TSPAN13: variants seen among roughly 807,000 people sequenced by gnomAD.
The protein encoded by TSPAN13 is tetraspanin-13.
Under a neutral mutation model 26.9 loss-of-function variants are expected in TSPAN13, and 18 were observed. The observed-to-expected ratio is 0.67, with a 90% CI of 0.46 to 0.99. The LOEUF (loss-of-function observed/expected upper bound fraction) is 0.99. TSPAN13 is among the 50% of genes least tolerant of loss of function. The pLI is 0.00. For synonymous variants in TSPAN13, 116 were observed against 98.4 expected (o/e 1.18, Z -1.06); for missense variants, 201 against 249.6 (o/e 0.81, Z 1.31).
chr7:16,766,177 A>C (rs549739253), intron 1 of TSPAN13, among the ~76,000 whole-genome samples: 5 of 152,372 alleles, frequency 3.3e-5, no homozygotes, highest in Admixed American at 2.6e-4. Flanking sequence ...AATGTGTTAG[A>C]AACACCAGTC....
At chr7:16,754,060 T>C (rs775794821) in intron 1 of TSPAN13, 30 bp downstream of exon 1, 18 of 1,608,660 alleles carry the variant, frequency 1.1e-5, no homozygotes, top group Admixed American at 1.7e-5. Flanking sequence ...TCCTGCTCGC[T>C]TGGGGGCTTT....
chr7:16,769,436 A>G (rs1784648483), intron 1 of TSPAN13, among the ~76,000 whole-genome samples: 1 of 152,116 alleles, frequency 6.6e-6, no homozygotes, highest in African/African-American at 2.4e-5. Context: ...CTCTTTGTTT[A>G]TTTTAGGTCT....
intron 1 of TSPAN13, among the ~76,000 whole-genome samples, chr7:16,755,248 C>G (rs1057039944): frequency 6.6e-6 from 1 of 152,182 alleles, no homozygotes; most frequent in Non-Finnish European, 1.5e-5. Flanking sequence ...TGGTCACCAA[C>G]AGGAGAAGGA....
intron 1 of TSPAN13, among the ~76,000 whole-genome samples, chr7:16,772,580 A>G (rs1025053155): frequency 1.3e-5 from 2 of 151,884 alleles, no homozygotes; most frequent in African/African-American, 4.8e-5. Context: ...GTCTCTCTCT[A>G]ATTTCCCTGT....
chr7:16,770,024 C>A (rs1431084406), intron 1 of TSPAN13, among the ~76,000 whole-genome samples: 1 of 152,010 alleles, frequency 6.6e-6, no homozygotes, highest in East Asian at 1.9e-4. Flanking sequence ...ACTTTTCTCT[C>A]CTTTAATGAA....
chr7:16,778,857 G>A (rs929124677), intron 4 of TSPAN13, 146 bp from the exon 5 acceptor site: 2 of 584,384 alleles, frequency 3.4e-6, no homozygotes, highest in Non-Finnish European at 6.0e-6. Context: ...AGTCTTGGGG[G>A]CTGTGTTAGA....
chr7:16,772,745 C>A (rs1278558589), intron 1 of TSPAN13, among the ~76,000 whole-genome samples: 1 of 152,096 alleles, frequency 6.6e-6, no homozygotes, highest in Non-Finnish European at 1.5e-5. Context: ...CCTGTAATCC[C>A]AGCAATTTGG....
At chr7:16,770,022 C>A (rs958952671) in intron 1 of TSPAN13, among the ~76,000 whole-genome samples, 23 of 152,138 alleles carry the variant, frequency 1.5e-4, no homozygotes, top group African/African-American at 4.6e-4. Flanking sequence ...TTACTTTTCT[C>A]TCCTTTAATG....
intron 1 of TSPAN13, among the ~76,000 whole-genome samples, chr7:16,773,403 G>A (rs938155291): frequency 6.6e-6 from 1 of 151,452 alleles, no homozygotes; most frequent in Non-Finnish European, 1.5e-5. Flanking sequence ...TCAAATTTTG[G>A]TATGTATAAA....
chr7:16,783,248 C>A (rs187597297), intron 5 of TSPAN13, among the ~76,000 whole-genome samples, 169 bp from the exon 6 acceptor site: 1 of 152,068 alleles, frequency 6.6e-6, no homozygotes, highest in African/African-American at 2.4e-5. Flanking sequence ...TTTTTCTCAG[C>A]GCCCGTCATT....
At chr7:16,781,802 T>C (rs769430750) in intron 5 of TSPAN13, among the ~76,000 whole-genome samples, 16 of 152,112 alleles carry the variant, frequency 1.1e-4, no homozygotes, top group Non-Finnish European at 2.1e-4. Context: ...CTTTGGCAAG[T>C]GATATTTGGG....
chr7:16,774,723 C>G (rs1040927601), intron 1 of TSPAN13, among the ~76,000 whole-genome samples: 10 of 152,158 alleles, frequency 6.6e-5, no homozygotes, highest in Admixed American at 6.6e-5. Flanking sequence ...CCTTGTCCCT[C>G]TGAAAAGAAA....
intron 1 of TSPAN13, among the ~76,000 whole-genome samples, chr7:16,770,961 A>G (rs901197588): frequency 1.3e-5 from 2 of 152,102 alleles, no homozygotes; most frequent in Non-Finnish European, 2.9e-5. Context: ...CTCTTTCTGG[A>G]TAGGTTGTTG....
intron 1 of TSPAN13, among the ~76,000 whole-genome samples, chr7:16,767,088 T>C (rs1784612992): frequency 6.6e-6 from 1 of 152,146 alleles, no homozygotes; most frequent in African/African-American, 2.4e-5. Context: ...GTTGAGACTA[T>C]AGGCACACCA....
At position 16,772,232 on chromosome 7, in the gene TSPAN13, A is replaced by G. The variant is rs146837954; in HGVS notation, c.64-3979A>G. ...CAGAACACTTCACCCCAGCTACATG[A>G]TAAGGATTCCACTGATGGTAAAATT... is the stretch of plus-strand genomic sequence containing the variant. On this transcript the variant is annotated intron_variant, in intron 1 of 5. Transcript: ENST00000262067. Among the ~76,000 whole-genome samples the G allele has an allele frequency of 3.8e-3, 572 of 152,306 alleles. 5 individuals are homozygous for G. The highest frequency in any genetic ancestry group is 0.013 in the African/African-American group (530 of 41,578).
chr7:16,781,695 C>T (rs1784814971), intron 5 of TSPAN13, among the ~76,000 whole-genome samples: 2 of 152,006 alleles, frequency 1.3e-5, no homozygotes, highest in South Asian at 4.2e-4. Context: ...TGTGATTTAC[C>T]CTCTCAGCAT....
At chr7:16,764,050 G>A (rs1149525) in intron 1 of TSPAN13, among the ~76,000 whole-genome samples, 2,254 of 152,068 alleles carry the variant, frequency 0.015, 63 homozygotes, top group African/African-American at 0.052. Flanking sequence ...ATGGAGTCTC[G>A]CTCTGTTGCC....
At position 16,753,976 on chromosome 7, in the gene TSPAN13, C is replaced by T. The variant is rs765338414; in HGVS notation, c.9C>T (p.Cys3=). 2 of 1,613,062 alleles carry T rather than the reference C, an allele frequency of 1.2e-6. No individual in the cohort carries two copies. The highest frequency in any genetic ancestry group is 2.2e-5 in the South Asian group (2 of 90,760). Residue 3 remains cysteine (C), a synonymous_variant, in exon 1 of 6, where the codon TGC becomes TGT. Transcript: ENST00000262067. MV[C]GGFACSKNCL... ...CAACCACAGGTTCCAAGATGGTTTG[C>T]GGGGGCTTCGCGTGTTCCAAGAACT...
At chr7:16,763,811 A>G (rs1032508947) in intron 1 of TSPAN13, among the ~76,000 whole-genome samples, 1 of 152,154 alleles carries the variant, frequency 6.6e-6, no homozygotes, top group Non-Finnish European at 1.5e-5. Context: ...TACTGGAAGT[A>G]TATGTGTTAG....
Sources: allele counts gnomAD v4.1 joint callset (sites outside exome capture counted in the v4.1 genomes callset), GRCh38; gene constraint gnomAD v4.1.1; transcripts MANE v1.5; gene names NCBI Gene and HGNC (gene_info 2026-07-23, HGNC 2026-07-21).